The following OR9Q1 variants were observed in gnomAD, a reference collection of about 807,000 sequenced individuals.
OR9Q1 encodes the protein olfactory receptor family 9 subfamily Q member 1.
For synonymous variants in OR9Q1, 153 were observed against 148.6 expected (o/e 1.03, Z -0.22); for missense variants, 374 against 378.8 (o/e 0.99, Z 0.11).
At chr11:58,045,498 T>G (rs1853207674) in intron 1 of OR9Q1, among the ~76,000 whole-genome samples, 1 of 152,176 alleles carries the variant, frequency 6.6e-6, no homozygotes, top group Non-Finnish European at 1.5e-5. Context: ...CCTCCAAAAG[T>G]GCTGAGATCA....
chr11:58,167,568 T>TAA (rs1854516880), intron 2 of OR9Q1, among the ~76,000 whole-genome samples: 2 of 152,194 alleles, frequency 1.3e-5, no homozygotes, highest in African/African-American at 4.8e-5. Flanking sequence ...TAATTTTTAG[T>TAA]TGCGTCTATG....
At chr11:58,081,708 C>T (rs1205024418) in intron 2 of OR9Q1, among the ~76,000 whole-genome samples, 1 of 150,204 alleles carries the variant, frequency 6.7e-6, no homozygotes, top group East Asian at 1.9e-4. Flanking sequence ...TTTGTAGATT[C>T]TGGATATTAG....
intron 1 of OR9Q1, chr11:58,030,897 C>T: frequency 9.1e-7 from 1 of 1,104,054 alleles, no homozygotes; most frequent in Non-Finnish European, 1.3e-6. Context: ...CACAGGTTCT[C>T]TTTGAGCTCT....
At chr11:58,160,412 G>A (rs1354972818) in intron 2 of OR9Q1, among the ~76,000 whole-genome samples, 1 of 151,674 alleles carries the variant, frequency 6.6e-6, no homozygotes, top group Non-Finnish European at 1.5e-5. Flanking sequence ...ATGATTCCAA[G>A]AATTTTGATC....
At chr11:58,094,117 A>G in intron 2 of OR9Q1, among the ~76,000 whole-genome samples, 2 of 152,288 alleles carry the variant, frequency 1.3e-5, no homozygotes, top group Middle Eastern at 6.8e-3. Context: ...AGCCATAAAA[A>G]GGATGAAGTC....
At chr11:58,147,025 T>G (rs1854305319) in intron 2 of OR9Q1, among the ~76,000 whole-genome samples, 2 of 152,212 alleles carry the variant, frequency 1.3e-5, no homozygotes, top group African/African-American at 4.8e-5. Flanking sequence ...AGGACGCTGG[T>G]GGTGGTGGAG....
At chr11:58,142,020 A>G (rs969984373) in intron 2 of OR9Q1, among the ~76,000 whole-genome samples, 13 of 152,112 alleles carry the variant, frequency 8.5e-5, no homozygotes, top group African/African-American at 2.9e-4. Flanking sequence ...TTTATTTTCT[A>G]TTAGTTGTGG....
Position 58,083,696 on chromosome 11 carries a change from C to A in OR9Q1, c.-15+27749C>A, listed in dbSNP as rs932323129. Among the ~76,000 whole-genome samples the A allele has an allele frequency of 4.0e-5, 6 of 151,396 alleles. 1 individual carries two copies. Among genetic ancestry groups the A allele is most frequent in the African/African-American group, 1.5e-4 (6 of 40,740 alleles). On this transcript the variant is annotated intron_variant, in intron 2 of 2. Coordinates refer to ENST00000335397, the MANE Select transcript of OR9Q1 (RefSeq NM_001005212.4). Reference sequence around the variant, plus strand: ...GCATGTGGCTAGCCAGTTATCCCAGCACCATTTATCGAACAGGGAATCTTT... The same window carrying A: ...GCATGTGGCTAGCCAGTTATCCCAGAACCATTTATCGAACAGGGAATCTTT...
At chr11:58,024,645 C>T (rs1852953050) in intron 1 of OR9Q1, among the ~76,000 whole-genome samples, 1 of 152,198 alleles carries the variant, frequency 6.6e-6, no homozygotes, top group African/African-American at 2.4e-5. Context: ...CGGCCTTTCT[C>T]CTTATTTAGT....
At chr11:58,066,934 G>A (rs983092268) in intron 2 of OR9Q1, among the ~76,000 whole-genome samples, 3 of 152,232 alleles carry the variant, frequency 2.0e-5, no homozygotes, top group Admixed American at 6.5e-5. Context: ...CAGTCTCACC[G>A]GCACTGGGGA....
rs905949110 is a variant in OR9Q1 at position 58,181,497 on chromosome 11, AT to A, written c.*1128del. 5 of 163,318 alleles carry A rather than the reference AT, an allele frequency of 3.1e-5. No homozygotes were observed. The highest frequency in any genetic ancestry group is 5.0e-5 in the African/African-American group (2 of 39,812). 10.1% of individuals were successfully genotyped at this position (163,318 alleles called of 1,614,324 possible). On this transcript the variant is annotated 3_prime_UTR_variant, in exon 3 of 3. Transcript: ENST00000335397. ...GGAAGAGAGCAGGCCCCATCTATTA[AT>A]TTTTTTTCATTTAAACAAATTTTTA...
At chr11:58,099,057 T>C (rs1853758737) in intron 2 of OR9Q1, among the ~76,000 whole-genome samples, 1 of 152,044 alleles carries the variant, frequency 6.6e-6, no homozygotes, top group Non-Finnish European at 1.5e-5. Context: ...TGGTTTGATT[T>C]CAATCCTTTG....
intron 2 of OR9Q1, among the ~76,000 whole-genome samples, chr11:58,135,001 C>T (rs1432959798): frequency 5.9e-5 from 9 of 152,118 alleles, no homozygotes; most frequent in Non-Finnish European, 1.3e-4. Context: ...CAGAACCAAC[C>T]TTTGTTGAAC....
At chr11:58,161,549 G>GTTTTT (rs567452505) in intron 2 of OR9Q1, among the ~76,000 whole-genome samples, 2 of 145,910 alleles carry the variant, frequency 1.4e-5, no homozygotes, top group Non-Finnish European at 3.0e-5. Context: ...GGCTTATTCT[G>GTTTTT]TTTTTTTTTT....
At chr11:58,111,982 C>G (rs1027989402) in intron 2 of OR9Q1, among the ~76,000 whole-genome samples, 7 of 152,082 alleles carry the variant, frequency 4.6e-5, no homozygotes, top group Admixed American at 1.3e-4. Context: ...TTGTCTGTCT[C>G]TGAATCATAA....
intron 2 of OR9Q1, among the ~76,000 whole-genome samples, chr11:58,087,756 C>T (rs1042934463): frequency 1.3e-5 from 2 of 151,672 alleles, no homozygotes; most frequent in Admixed American, 6.6e-5. Flanking sequence ...TGAGGTTCCC[C>T]TCCCTGTGTC....
intron 2 of OR9Q1, among the ~76,000 whole-genome samples, chr11:58,104,031 C>T (rs2120092602): frequency 6.6e-6 from 1 of 152,244 alleles, no homozygotes; most frequent in African/African-American, 2.4e-5. Context: ...TCATTTTGCA[C>T]AAAATATTCT....
intron 2 of OR9Q1, among the ~76,000 whole-genome samples, chr11:58,094,374 A>G (rs1168503870): frequency 6.6e-6 from 1 of 152,150 alleles, no homozygotes; most frequent in Admixed American, 6.5e-5. Context: ...AAAAGCCCCA[A>G]TTTCACTGCT....
At chr11:58,025,377 T>G (rs1852963053) in intron 1 of OR9Q1, among the ~76,000 whole-genome samples, 1 of 152,186 alleles carries the variant, frequency 6.6e-6, no homozygotes, top group Non-Finnish European at 1.5e-5. Flanking sequence ...ACTTTTTGTA[T>G]TTTTGGTAGA....
Sources: gnomAD v4.1 joint callset for allele counts (sites outside exome capture counted in the v4.1 genomes callset) on GRCh38, gnomAD v4.1.1 for gene constraint, MANE v1.5 for transcripts, NCBI Gene and HGNC (gene_info 2026-07-23, HGNC 2026-07-21) for gene names.